The following NADK2 variants were observed in gnomAD, a reference collection of about 807,000 sequenced individuals.
NADK2 encodes the protein NAD kinase domain-containing protein 1, mitochondrial.
A neutral mutation model predicts 62.1 loss-of-function variants in NADK2; 35 were observed. The ratio of observed to expected loss-of-function variants is 0.56; its 90% CI spans 0.43 to 0.75. The LOEUF (loss-of-function observed/expected upper bound fraction) is 0.75, where lower values mean the gene tolerates loss of function less well. Ranked by LOEUF, NADK2 falls within the 30% of genes least tolerant of loss-of-function variation. The pLI, the probability that NADK2 is intolerant of heterozygous loss-of-function variation, is 0.00. For synonymous variants in NADK2, 205 were observed against 207.9 expected (o/e 0.99, Z 0.12); for missense variants, 439 against 561.3 (o/e 0.78, Z 2.20).
chr5:36,208,646 C>A, intron 7 of NADK2: 1 of 1,533,628 alleles, frequency 6.5e-7, no homozygotes, highest in Non-Finnish European at 8.7e-7. Context: ...AGTGGGTATA[C>A]TTCTTCTTAA....
Position 36,235,210 on chromosome 5 carries a change from TAAAA to T in NADK2, c.300+6285_300+6288del, listed in dbSNP as rs531982046. On this transcript the variant is annotated intron_variant, in intron 1 of 11. Coordinates refer to ENST00000381937, the MANE Select transcript of NADK2 (RefSeq NM_001085411.3). ...ATGATAACTTCTTTAAAATTTTGGT[TAAAA>T]AAACACTACGCAAGCAGAGTTAAAA... Among the ~76,000 whole-genome samples, 414 of 152,244 alleles carry T rather than the reference TAAAA, an allele frequency of 2.7e-3. 2 individuals carry two copies. The highest frequency in any genetic ancestry group is 9.6e-3 in the African/African-American group (400 of 41,538).
chr5:36,210,100 G>C (rs1746784312), intron 7 of NADK2, among the ~76,000 whole-genome samples: 1 of 152,084 alleles, frequency 6.6e-6, no homozygotes. Flanking sequence ...GTAAACTAGG[G>C]ATCCAACAAC....
At chr5:36,223,427 T>C (rs1488632481) in intron 4 of NADK2, among the ~76,000 whole-genome samples, 1 of 151,684 alleles carries the variant, frequency 6.6e-6, no homozygotes, top group Non-Finnish European at 1.5e-5. Flanking sequence ...AGAGACAATA[T>C]AGGAATTGAA....
chr5:36,207,194 C>T lies in NADK2; in HGVS notation c.932G>A (p.Cys311Tyr). ...CCAGGCCTTTGATCCTGTTCCAGTA[C>T]ACAAATTGAGCCCTGAACTCTTCTG... ...EKQKSSGLNL[C>Y]TGTGSKAWSF... Residue 311 changes from cysteine to tyrosine, a missense_variant, in exon 8 of 12, where the codon TGT becomes TAT. Transcript: ENST00000381937. 1.9e-6 allele frequency: 3 copies of T among 1,613,024 alleles called. No homozygotes were observed. Among genetic ancestry groups the T allele is most frequent in the South Asian group, 2.2e-5 (2 of 90,990 alleles).
intron 7 of NADK2, among the ~76,000 whole-genome samples, chr5:36,211,245 G>A (rs1335068071): frequency 1.3e-5 from 2 of 152,130 alleles, no homozygotes; most frequent in African/African-American, 4.8e-5. Context: ...AGTAAAGACA[G>A]GTATAAGAAA....
chr5:36,239,810 C>T (rs1359271691), intron 1 of NADK2, among the ~76,000 whole-genome samples: 1 of 152,144 alleles, frequency 6.6e-6, no homozygotes, highest in Non-Finnish European at 1.5e-5. Flanking sequence ...AGGTGAAGCA[C>T]TTTGAAAACT....
intron 6 of NADK2, among the ~76,000 whole-genome samples, chr5:36,214,774 G>C (rs866955009): frequency 6.6e-6 from 1 of 152,202 alleles, no homozygotes; most frequent in Non-Finnish European, 1.5e-5. Context: ...AGAAGACTCA[G>C]AGGCCTTAAA....
chr5:36,223,168 G>A (rs1747339418), intron 4 of NADK2, among the ~76,000 whole-genome samples: 1 of 152,050 alleles, frequency 6.6e-6, no homozygotes. Context: ...GGAGAAGTTT[G>A]TCACCCTATT....
chr5:36,216,211 T>C (rs1176118450), intron 6 of NADK2, among the ~76,000 whole-genome samples: 1 of 152,212 alleles, frequency 6.6e-6, no homozygotes, highest in Non-Finnish European at 1.5e-5. Flanking sequence ...TTTTTTCATA[T>C]AGCTGTTGGT....
At chr5:36,206,579 A>C (rs1746648648) in intron 8 of NADK2, among the ~76,000 whole-genome samples, 1 of 152,124 alleles carries the variant, frequency 6.6e-6, no homozygotes, top group Non-Finnish European at 1.5e-5. Flanking sequence ...GGTATTCATC[A>C]ATATAAAGAA....
chr5:36,241,374 G>A lies in NADK2; in HGVS notation c.300+125C>T. 1.5e-6 allele frequency: 2 copies of A among 1,342,564 alleles called. No homozygotes were observed. Among genetic ancestry groups the A allele is most frequent in the East Asian group, 3.1e-5 (1 of 31,860 alleles). The allele number at this position is 1,342,564 out of a possible 1,614,324, so 83.2% of individuals were successfully genotyped here. A position where few individuals can be genotyped will look rare whatever the true frequency, so the allele number is the denominator to read the frequency against. Reference sequence around the variant, plus strand: ...GCCAGAGGACCTGGGGGCCGCGAGAGAGGCAGGACCGGCATCTGCGGTGCC... The same window carrying A: ...GCCAGAGGACCTGGGGGCCGCGAGAAAGGCAGGACCGGCATCTGCGGTGCC... On this transcript the variant is annotated intron_variant, in intron 1 of 11. Coordinates refer to ENST00000381937, the MANE Select transcript of NADK2 (RefSeq NM_001085411.3). The surrounding 1 kb of genome is among the most constrained non-coding windows in gnomAD (Gnocchi z 4.9).
At chr5:36,227,401 T>G in intron 2 of NADK2, 76 bp downstream of exon 2, 2 of 572,392 alleles carry the variant, frequency 3.5e-6, no homozygotes, top group Non-Finnish European at 5.4e-6. Context: ...AATCTAAGAA[T>G]GGGCTGCTAG....
Position 36,195,056 on chromosome 5 carries a change from AC to A in NADK2, c.*87del. On this transcript the variant is annotated 3_prime_UTR_variant, in exon 12 of 12. Coordinates refer to ENST00000381937, the MANE Select transcript of NADK2 (RefSeq NM_001085411.3). Reference sequence around the variant, plus strand: ...CCACGGGCAAGCAGTCTCAACAATAACCAAAAAATGTCACTTTACGACTGGT... The same window carrying A: ...CCACGGGCAAGCAGTCTCAACAATAACAAAAAATGTCACTTTACGACTGGT... 6.9e-7 allele frequency: 1 copy of A among 1,449,482 alleles called. No homozygotes were observed. Among genetic ancestry groups the A allele is most frequent in the South Asian group, 1.4e-5 (1 of 69,728 alleles). The allele number at this position is 1,449,482 out of a possible 1,614,324, so 89.8% of individuals were successfully genotyped here.
At chr5:36,208,621 TCA>T (rs1746725963) in intron 7 of NADK2, 1 of 1,522,254 alleles carries the variant, frequency 6.6e-7, no homozygotes, top group Non-Finnish European at 8.8e-7. Flanking sequence ...GCAATAAAAC[TCA>T]CAGTCCCTTT....
intron 1 of NADK2, among the ~76,000 whole-genome samples, chr5:36,234,279 A>C (rs1306276378): frequency 1.3e-5 from 2 of 148,712 alleles, no homozygotes; most frequent in Non-Finnish European, 3.0e-5. Context: ...AGGCTGAGGC[A>C]GGAGAATGGC....
At chr5:36,217,974 A>C in intron 5 of NADK2, 90 bp from the exon 6 acceptor site, 1 of 1,204,580 alleles carries the variant, frequency 8.3e-7, no homozygotes, top group Non-Finnish European at 1.2e-6. Context: ...TAAATAGTTA[A>C]TAAAAACTAG....
At chr5:36,227,364 G>GAT (rs1444301283) in intron 2 of NADK2, 113 bp downstream of exon 2, 2 of 445,032 alleles carry the variant, frequency 4.5e-6, no homozygotes, top group Non-Finnish European at 7.6e-6. Context: ...TTCTGAAAAT[G>GAT]ATTTTATAAT....
chr5:36,196,252 T>TTGG, intron 11 of NADK2, among the ~76,000 whole-genome samples: 1 of 152,332 alleles, frequency 6.6e-6, no homozygotes, highest in South Asian at 2.1e-4. Context: ...TATATATTCC[T>TTGG]AACAGAAATT....
intron 8 of NADK2, among the ~76,000 whole-genome samples, chr5:36,202,220 C>A (rs1746476614): frequency 6.6e-6 from 1 of 152,008 alleles, no homozygotes; most frequent in Non-Finnish European, 1.5e-5. Context: ...CATTTAAAAT[C>A]AGACATAACC....
Sources: gnomAD v4.1 joint callset for allele counts (sites outside exome capture counted in the v4.1 genomes callset) on GRCh38, gnomAD v4.1.1 for gene constraint, Gnocchi (gnomAD v3.1) non-coding constraint, MANE v1.5 for transcripts, NCBI Gene and HGNC (gene_info 2026-07-23, HGNC 2026-07-21) for gene names.